Variants in SVIL observed in about 807,000 individuals in gnomAD.
SVIL encodes the protein supervillin, also known as archvillin.
Under a neutral mutation model 240.4 loss-of-function variants are expected in SVIL, and 101 were observed. That is an observed-to-expected ratio of 0.42 (90% CI 0.36 to 0.50). The LOEUF (loss-of-function observed/expected upper bound fraction) is 0.50, where lower values mean the gene tolerates loss of function less well. Ranked by LOEUF, SVIL falls within the 20% of genes least tolerant of loss-of-function variation. SVIL has a pLI of 0.01. For synonymous variants in SVIL, 999 were observed against 1,100.0 expected, an observed-to-expected ratio of 0.91 and a Z score of 1.82; for missense variants, 2,512 against 2,818.7, an observed-to-expected ratio of 0.89 and a Z score of 2.46.
At position 29,524,607 on chromosome 10, in the gene SVIL, T is replaced by A; in HGVS notation, c.2451A>T (p.Glu817Asp). The change falls in exon 14 of 38, where the codon GAA (glutamate) becomes GAT (aspartate). Residue 817 changes from glutamate (E) to aspartate (D), a missense_variant. Physicochemically the swap from Glu to Asp is conservative, Grantham distance 45. Transcript: ENST00000355867. ...ACAATTTGTTAAACAAGGCCAACTT[T>A]TCGGCCAAGCTTAGAGTGGAGGAAT... Reference protein sequence around the residue: ...EPDSSTLSLAEKLALFNKLSQ... With the variant: ...EPDSSTLSLADKLALFNKLSQ... The A allele has an allele frequency of 1.2e-6, 2 of 1,614,156 alleles. No homozygotes were observed. The highest frequency in any genetic ancestry group is 1.7e-6 in the Non-Finnish European group (2 of 1,180,036).
intron 7 of SVIL, among the ~76,000 whole-genome samples, 155 bp from the exon 8 acceptor site, chr10:29,533,613 C>T (rs1951536981): frequency 6.6e-6 from 1 of 152,180 alleles, no homozygotes; most frequent in African/African-American, 2.4e-5. Flanking sequence ...AACTACTTGT[C>T]AGATGATCCT....
At chr10:29,646,575 A>G (rs1958665248) in intron 3 of SVIL, among the ~76,000 whole-genome samples, 1 of 152,278 alleles carries the variant, frequency 6.6e-6, no homozygotes, top group South Asian at 2.1e-4. Context: ...CTTTCTCCCC[A>G]GAAACATGAT....
chr10:29,471,307 A>G, intron 30 of SVIL, 64 bp from the exon 31 acceptor site: 1 of 1,252,396 alleles, frequency 8.0e-7, no homozygotes, highest in African/African-American at 1.5e-5. Context: ...TAAAAACAAT[A>G]CATGCCTCTT....
At chr10:29,602,238 T>G in intron 1 of SVIL, 1 of 530,734 alleles carries the variant, frequency 1.9e-6, no homozygotes, top group Non-Finnish European at 3.9e-6. Context: ...TTTCATGAAG[T>G]GCCCCCTGGT....
chr10:29,608,537 G>A (rs1161782216), intron 1 of SVIL, among the ~76,000 whole-genome samples: 1 of 152,250 alleles, frequency 6.6e-6, no homozygotes, highest in African/African-American at 2.4e-5. Context: ...TCCAGGGCCT[G>A]GGAAGCCTCC....
intron 2 of SVIL, among the ~76,000 whole-genome samples, chr10:29,658,566 G>T (rs1036624392): frequency 2.6e-5 from 4 of 152,160 alleles, no homozygotes; most frequent in African/African-American, 9.7e-5. Context: ...AGACCAGTCT[G>T]CAACAAAGTG....
chr10:29,732,917 G>A (rs11007720), intron 1 of SVIL, among the ~76,000 whole-genome samples: 117,210 of 151,778 alleles, frequency 0.77, 45,484 homozygotes, highest in East Asian at 0.89. Context: ...TTAAATTTAA[G>A]AGAAAGGGAA....
rs187874385 is a variant in SVIL, at chr10:29,692,499, A to T, written c.-399-5848T>A. 3.5e-3 allele frequency among the ~76,000 whole-genome samples: 536 copies of T among 152,286 alleles called. 4 individuals carry two copies. The highest frequency in any genetic ancestry group is 0.012 in the African/African-American group (511 of 41,546). ...AGATCATCAGTGTCAAGCACTCATTATAGTGCTTGGCATACACCAAATGTT... is the reference window on the plus strand; with the variant it reads ...AGATCATCAGTGTCAAGCACTCATTTTAGTGCTTGGCATACACCAAATGTT... On this transcript the variant is annotated intron_variant, in intron 1 of 35. Transcript: ENST00000375400.
upstream of SVIL, among the ~76,000 whole-genome samples, chr10:29,736,372 C>G (rs933398692): frequency 6.6e-6 from 1 of 152,244 alleles, no homozygotes; most frequent in African/African-American, 2.4e-5. Flanking sequence ...CACGCCCCCC[C>G]GGTCCCAGGG....
chr10:29,674,299 C>G (rs1960034350), intron 2 of SVIL, among the ~76,000 whole-genome samples: 1 of 152,054 alleles, frequency 6.6e-6, no homozygotes, highest in African/African-American at 2.4e-5. Flanking sequence ...CCACTGCACT[C>G]CAGCCTGGGT....
intron 6 of SVIL, among the ~76,000 whole-genome samples, chr10:29,544,597 A>C (rs929125799): frequency 2.6e-5 from 4 of 151,988 alleles, no homozygotes; most frequent in Non-Finnish European, 5.9e-5. Flanking sequence ...TCTTCCAAAA[A>C]ATTCAAAAAT....
chr10:29,586,479 C>A (rs1956170589), intron 1 of SVIL, among the ~76,000 whole-genome samples: 1 of 152,058 alleles, frequency 6.6e-6, no homozygotes, highest in Admixed American at 6.5e-5. Flanking sequence ...TGACTTATTC[C>A]ACTTAGCTCA....
chr10:29,626,728 C>G (rs1024807102), intron 1 of SVIL, among the ~76,000 whole-genome samples: 1 of 152,046 alleles, frequency 6.6e-6, no homozygotes, highest in Non-Finnish European at 1.5e-5. Context: ...AGAAACTTTC[C>G]AAAATAAAGA....
At chr10:29,674,818 C>T (rs1960075682) in intron 2 of SVIL, among the ~76,000 whole-genome samples, 1 of 152,170 alleles carries the variant, frequency 6.6e-6, no homozygotes, top group African/African-American at 2.4e-5. Flanking sequence ...CTTCTAGAGG[C>T]CACCTGCATT....
intron 2 of SVIL, among the ~76,000 whole-genome samples, chr10:29,568,288 G>T (rs7101170): frequency 0.54 from 81,121 of 150,698 alleles, 22,291 homozygotes; most frequent in African/African-American, 0.65. Context: ...TCCCATCCAG[G>T]GTGTTTACAA....
At position 29,531,868 on chromosome 10, in the gene SVIL, C is replaced by T. The variant is rs760992283; in HGVS notation, c.2009+134G>A. The T allele has an allele frequency of 3.3e-5, 34 of 1,045,394 alleles. No homozygotes were observed. In the Middle Eastern group the frequency reaches 8.5e-4, roughly 26 times the overall value. The allele number at this position is 1,045,394 out of a possible 1,614,324, so 64.8% of individuals were successfully genotyped here. A position where few individuals can be genotyped will look rare whatever the true frequency, so the allele number is the denominator to read the frequency against. On this transcript the variant is annotated intron_variant, in intron 9 of 37. Transcript: ENST00000355867. ...ACTTTTAAATAAGCCAAATAAATAA[C>T]GCTTATAGGTTAGATGGAACAATTA...
chr10:29,688,163 T>A (rs1166132102), intron 1 of SVIL, among the ~76,000 whole-genome samples: 1 of 152,232 alleles, frequency 6.6e-6, no homozygotes, highest in Non-Finnish European at 1.5e-5. Context: ...TCCAAGCTTC[T>A]GAATATAAAT....
intron 1 of SVIL, among the ~76,000 whole-genome samples, chr10:29,624,199 T>A (rs531148447): frequency 6.7e-6 from 1 of 149,122 alleles, no homozygotes; most frequent in Non-Finnish European, 1.5e-5. Context: ...GCATTTTCCA[T>A]ATGGTTTTGG....
intron 7 of SVIL, among the ~76,000 whole-genome samples, chr10:29,534,135 G>A (rs932938753): frequency 1.3e-5 from 2 of 152,174 alleles, no homozygotes; most frequent in African/African-American, 2.4e-5. Context: ...GATAGTTGCT[G>A]ACAGAACTAA....
Sources: allele counts gnomAD v4.1 joint callset (sites outside exome capture counted in the v4.1 genomes callset), GRCh38; gene constraint gnomAD v4.1.1; transcripts MANE v1.5; gene names NCBI Gene and HGNC (gene_info 2026-07-23, HGNC 2026-07-21).